Variants in CNTN5 observed in about 807,000 individuals in gnomAD.
CNTN5 encodes the protein contactin-5.
In CNTN5, 77 loss-of-function variants were observed where a neutral mutation model predicts 129.1. The ratio of observed to expected loss-of-function variants is 0.60; its 90% CI spans 0.50 to 0.72. CNTN5 has a LOEUF of 0.72. CNTN5 is among the 30% of genes least tolerant of loss of function. The pLI is 0.00. For missense variants in CNTN5, 1,478 were observed against 1,328.8 expected, an observed-to-expected ratio of 1.11 and a Z score of -1.75; for synonymous variants, 509 against 465.6, an observed-to-expected ratio of 1.09 and a Z score of -1.20.
chr11:99,382,891 C>T (rs1006644133), intron 2 of CNTN5, among the ~76,000 whole-genome samples: 4 of 97,246 alleles, frequency 4.1e-5, no homozygotes, highest in Non-Finnish European at 7.5e-5. Context: ...GAGTCTCGCT[C>T]TGTCTCCCAG....
rs776919295 is a variant in CNTN5, at chr11:100,061,305, T to C, written c.1074T>C (p.Asn358=). ...RKSQAVLEIP[N]VQLDDAGIYE... ...CTCAGGCGGTGCTGGAAATACCGAA[T>C]GTACAGCTGGATGATGCAGGCATTT... Residue 358 remains asparagine, a synonymous_variant, in exon 10 of 25, where the codon AAT becomes AAC. Transcript: ENST00000524871. 3 of 1,613,718 alleles carry C rather than the reference T, an allele frequency of 1.9e-6. No individual in the cohort carries two copies. The highest frequency in any genetic ancestry group is 2.7e-5 in the African/African-American group (2 of 75,040).
At chr11:99,638,495 A>G (rs114636931) in intron 3 of CNTN5, among the ~76,000 whole-genome samples, 49 of 152,210 alleles carry the variant, frequency 3.2e-4, no homozygotes, top group African/African-American at 1.2e-3. Flanking sequence ...CCAAAGTCCA[A>G]AGTCTCATCT....
At chr11:100,097,841 T>A (rs1945063757) in intron 13 of CNTN5, among the ~76,000 whole-genome samples, 1 of 152,262 alleles carries the variant, frequency 6.6e-6, no homozygotes, top group Middle Eastern at 3.4e-3. Context: ...GAATGCATAT[T>A]GTATATTGGA....
At chr11:99,359,282 G>T (rs1030569200) in intron 2 of CNTN5, among the ~76,000 whole-genome samples, 1 of 152,032 alleles carries the variant, frequency 6.6e-6, no homozygotes, top group African/African-American at 2.4e-5. Context: ...CTTCTATGGT[G>T]GAATGGGTGA....
intron 3 of CNTN5, among the ~76,000 whole-genome samples, chr11:99,588,642 C>T (rs915828049): frequency 8.5e-5 from 13 of 152,168 alleles, no homozygotes; most frequent in African/African-American, 1.7e-4. Flanking sequence ...TTATTTAATA[C>T]GTTAAAGTAA....
Position 100,356,534 on chromosome 11 carries a change from A to C in CNTN5, c.*314A>C, listed in dbSNP as rs200726829. 1.6e-5 allele frequency: 5 copies of C among 319,842 alleles called. No homozygotes were observed. Among genetic ancestry groups the C allele is most frequent in the Non-Finnish European group, 2.9e-5 (5 of 172,660 alleles). 19.8% of individuals were successfully genotyped at this position (319,842 alleles called of 1,614,324 possible). A position where few individuals can be genotyped will look rare whatever the true frequency, so the allele number is the denominator to read the frequency against. ...TTTTAATATGTTGGGATTTTATTTT[A>C]TATCTGATGACTCCGAGTGTGTGCC... On this transcript the variant is annotated 3_prime_UTR_variant, in exon 25 of 25. Transcript: ENST00000524871.
chr11:99,830,735 T>A (rs185702445), intron 4 of CNTN5, among the ~76,000 whole-genome samples: 2 of 152,312 alleles, frequency 1.3e-5, no homozygotes, highest in Admixed American at 1.3e-4. Flanking sequence ...TTTATTCTGC[T>A]ATTGTAGTCT....
chr11:99,209,234 C>T (rs1365800984), intron 1 of CNTN5, among the ~76,000 whole-genome samples: 1 of 151,780 alleles, frequency 6.6e-6, no homozygotes, highest in Non-Finnish European at 1.5e-5. Context: ...TGTGTTAGGC[C>T]ATTCTTGCCT....
intron 3 of CNTN5, among the ~76,000 whole-genome samples, chr11:99,568,444 A>G (rs1350397804): frequency 6.6e-6 from 1 of 152,202 alleles, no homozygotes; most frequent in African/African-American, 2.4e-5. Flanking sequence ...GCTTATGGTA[A>G]GAATTGTTTT....
intron 18 of CNTN5, among the ~76,000 whole-genome samples, chr11:100,283,839 G>T (rs761228387): frequency 2.0e-5 from 3 of 152,068 alleles, no homozygotes; most frequent in Non-Finnish European, 4.4e-5. Flanking sequence ...CCAGCTACTC[G>T]AGAGGCTGAG....
rs186364981 is a variant in CNTN5 at position 99,947,958 on chromosome 11, T to C, written c.674-8848T>C. Among the ~76,000 whole-genome samples the C allele has an allele frequency of 5.9e-5, 9 of 152,342 alleles. No homozygotes were observed. In the East Asian group the frequency reaches 1.7e-3, roughly 29 times the overall value. On this transcript the variant is annotated intron_variant, in intron 7 of 24. Transcript: ENST00000524871. ...TCATAGAGCTAAGTTAAAATTTAAT[T>C]ATTCGTGTTATGTATAAATGACAAT... is the stretch of plus-strand genomic sequence containing the variant.
chr11:99,455,519 T>A (rs1253788030), intron 2 of CNTN5, among the ~76,000 whole-genome samples: 2 of 152,078 alleles, frequency 1.3e-5, no homozygotes, highest in Non-Finnish European at 2.9e-5. Context: ...TATTGAGGAA[T>A]AATCAGAAGA....
At chr11:99,174,351 C>A (rs1857674925) in intron 1 of CNTN5, among the ~76,000 whole-genome samples, 1 of 152,086 alleles carries the variant, frequency 6.6e-6, no homozygotes, top group Non-Finnish European at 1.5e-5. Flanking sequence ...CTCTTTCTCT[C>A]CAATTAGACT....
intron 6 of CNTN5, among the ~76,000 whole-genome samples, chr11:99,880,275 A>C (rs1287365908): frequency 6.6e-6 from 1 of 152,176 alleles, no homozygotes; most frequent in Non-Finnish European, 1.5e-5. Context: ...CTCACAATAA[A>C]TGTTTTGTAA....
chr11:99,147,263 G>A (rs182297354), intron 1 of CNTN5, among the ~76,000 whole-genome samples: 1 of 152,104 alleles, frequency 6.6e-6, no homozygotes, highest in East Asian at 1.9e-4. Context: ...ATAATTAGTG[G>A]GCTCTTTACT....
intron 3 of CNTN5, among the ~76,000 whole-genome samples, chr11:99,792,597 C>CTGTT (rs1945791446): frequency 7.2e-6 from 1 of 139,072 alleles, no homozygotes; most frequent in Non-Finnish European, 1.6e-5. Context: ...GTCTGTCTGT[C>CTGTT]TGCAAGGTTT....
chr11:100,287,331 G>GA (rs1294652260), intron 18 of CNTN5, among the ~76,000 whole-genome samples: 11 of 150,896 alleles, frequency 7.3e-5, no homozygotes, highest in Non-Finnish European at 5.9e-5. Context: ...TGAAATGAAG[G>GA]AAAAAATGTT....
intron 1 of CNTN5, among the ~76,000 whole-genome samples, chr11:99,151,079 C>T (rs549894894): frequency 4.6e-5 from 7 of 152,134 alleles, no homozygotes; most frequent in Admixed American, 2.0e-4. Flanking sequence ...AATATTTATA[C>T]TTATTTAGAA....
chr11:99,330,603 G>C (rs980296126), intron 2 of CNTN5, among the ~76,000 whole-genome samples: 1 of 152,036 alleles, frequency 6.6e-6, no homozygotes, highest in Non-Finnish European at 1.5e-5. Context: ...TCATGATGAG[G>C]TGCCACTCAA....
Sources: allele counts gnomAD v4.1 joint callset (sites outside exome capture counted in the v4.1 genomes callset), GRCh38; gene constraint gnomAD v4.1.1; transcripts MANE v1.5; gene names NCBI Gene and HGNC (gene_info 2026-07-23, HGNC 2026-07-21).